The following MIPOL1 variants were observed in gnomAD, a reference collection of about 807,000 sequenced individuals.
The protein encoded by MIPOL1 is mirror-image polydactyly gene 1 protein.
MIPOL1 carries 57 observed loss-of-function variants against 60.9 expected under a neutral mutation model. That is an observed-to-expected ratio of 0.94 (90% CI 0.76 to 1.17). The LOEUF is 1.17. Among genes scored for constraint, MIPOL1 ranks in the 50% most tolerant of loss-of-function variants. MIPOL1 has a pLI of 0.00. For synonymous variants in MIPOL1, 179 were observed against 168.8 expected (o/e 1.06, Z -0.47); for missense variants, 551 against 511.6 (o/e 1.08, Z -0.74).
intron 3 of MIPOL1, among the ~76,000 whole-genome samples, chr14:37,251,759 A>G (rs904096577): frequency 1.3e-5 from 2 of 151,950 alleles, no homozygotes; most frequent in African/African-American, 4.8e-5. Flanking sequence ...TCTTAAATTA[A>G]TGTTTATTTT....
chr14:37,260,240 T>TAAAA (rs754422554), intron 3 of MIPOL1, among the ~76,000 whole-genome samples: 1 of 121,252 alleles, frequency 8.2e-6, no homozygotes, highest in Non-Finnish European at 1.8e-5. Context: ...AGATCTCATC[T>TAAAA]AAAAAAAAAA....
At chr14:37,452,339 T>A (rs992991337) in intron 11 of MIPOL1, among the ~76,000 whole-genome samples, 5 of 152,212 alleles carry the variant, frequency 3.3e-5, no homozygotes, top group African/African-American at 1.2e-4. Context: ...TCTGTGAGTA[T>A]GAACAACAAA....
intron 11 of MIPOL1, among the ~76,000 whole-genome samples, chr14:37,432,807 T>C (rs1037111351): frequency 2.0e-5 from 3 of 152,168 alleles, no homozygotes; most frequent in Non-Finnish European, 4.4e-5. Flanking sequence ...CTGCATATCA[T>C]TGGAAAAAAT....
chr14:37,518,826 T>G (rs916192309), intron 12 of MIPOL1, among the ~76,000 whole-genome samples: 1 of 152,020 alleles, frequency 6.6e-6, no homozygotes, highest in Non-Finnish European at 1.5e-5. Context: ...AACAAGCAAA[T>G]GCTCACAGAT....
At chr14:37,239,836 G>T (rs1379960309) in intron 1 of MIPOL1, among the ~76,000 whole-genome samples, 1 of 152,118 alleles carries the variant, frequency 6.6e-6, no homozygotes, top group South Asian at 2.1e-4. Context: ...ACAAGAAATT[G>T]GAACTATAAG....
At chr14:37,325,250 A>G (rs1241663399) in intron 9 of MIPOL1, among the ~76,000 whole-genome samples, 1 of 152,116 alleles carries the variant, frequency 6.6e-6, no homozygotes, top group Non-Finnish European at 1.5e-5. Context: ...TAATCTTTAA[A>G]CAGCAAAATT....
chr14:37,345,941 T>A (rs1401824828), intron 9 of MIPOL1, among the ~76,000 whole-genome samples: 1 of 152,212 alleles, frequency 6.6e-6, no homozygotes, highest in Non-Finnish European at 1.5e-5. Flanking sequence ...ACAATTGGCA[T>A]TTACTTAAAA....
chr14:37,482,010 A>G (rs1315907795), intron 11 of MIPOL1, among the ~76,000 whole-genome samples: 1 of 152,034 alleles, frequency 6.6e-6, no homozygotes, highest in Non-Finnish European at 1.5e-5. Flanking sequence ...AGGGGAAACT[A>G]TATTATGTTG....
intron 9 of MIPOL1, among the ~76,000 whole-genome samples, chr14:37,353,714 C>G (rs999065212): frequency 1.3e-5 from 2 of 152,082 alleles, no homozygotes; most frequent in Non-Finnish European, 2.9e-5. Flanking sequence ...GTAGTATTCT[C>G]TGATGGTAGT....
chr14:37,262,554 C>G (rs527984514), intron 3 of MIPOL1, among the ~76,000 whole-genome samples: 1 of 152,166 alleles, frequency 6.6e-6, no homozygotes, highest in South Asian at 2.1e-4. Flanking sequence ...TTCTCACCCC[C>G]CAAAAGACAG....
At chr14:37,402,808 A>G (rs1157414397) in intron 10 of MIPOL1, among the ~76,000 whole-genome samples, 3 of 152,348 alleles carry the variant, frequency 2.0e-5, no homozygotes, top group Non-Finnish European at 4.4e-5. Context: ...TTAAACAGCA[A>G]TGAGCTTAGG....
intron 11 of MIPOL1, among the ~76,000 whole-genome samples, chr14:37,487,543 A>T (rs1000078473): frequency 2.0e-5 from 3 of 152,056 alleles, no homozygotes. Flanking sequence ...CAGGGATTTG[A>T]CTTCTTCCTG....
chr14:37,312,616 G>T (rs2087447027), intron 9 of MIPOL1, among the ~76,000 whole-genome samples: 1 of 152,006 alleles, frequency 6.6e-6, no homozygotes, highest in Admixed American at 6.6e-5. Flanking sequence ...AGTTAAAAAT[G>T]TTATCTTTTT....
At chr14:37,509,299 T>TTA (rs1031527300) in intron 12 of MIPOL1, among the ~76,000 whole-genome samples, 3 of 151,882 alleles carry the variant, frequency 2.0e-5, no homozygotes, top group Non-Finnish European at 2.9e-5. Context: ...TCTGAGAGTT[T>TTA]TATATATATA....
At chr14:37,399,315 G>T (rs2093437337) in intron 10 of MIPOL1, among the ~76,000 whole-genome samples, 1 of 152,114 alleles carries the variant, frequency 6.6e-6, no homozygotes, top group African/African-American at 2.4e-5. Flanking sequence ...AAAAATACTT[G>T]CCCTATGAGA....
chr14:37,404,823 T>G (rs1330754497), intron 10 of MIPOL1, among the ~76,000 whole-genome samples: 1 of 152,186 alleles, frequency 6.6e-6, no homozygotes, highest in African/African-American at 2.4e-5. Flanking sequence ...CTTACCCAGC[T>G]GTTGACTAAT....
intron 7 of MIPOL1, among the ~76,000 whole-genome samples, chr14:37,303,999 A>G (rs1212627712): frequency 6.6e-6 from 1 of 151,832 alleles, no homozygotes; most frequent in East Asian, 1.9e-4. Flanking sequence ...AGATGGTTCT[A>G]TGAGGTTCTT....
At chr14:37,473,188 T>G (rs2094715311) in intron 11 of MIPOL1, among the ~76,000 whole-genome samples, 1 of 152,074 alleles carries the variant, frequency 6.6e-6, no homozygotes, top group Non-Finnish European at 1.5e-5. Context: ...TCTTTCTCGA[T>G]TAAAGATAGT....
intron 3 of MIPOL1, among the ~76,000 whole-genome samples, chr14:37,260,504 A>G (rs965877265): frequency 2.6e-5 from 4 of 152,172 alleles, no homozygotes; most frequent in African/African-American, 9.6e-5. Context: ...TGTTGAACAC[A>G]TTATAGAAGA....
Sources: allele counts gnomAD v4.1 joint callset (sites outside exome capture counted in the v4.1 genomes callset), GRCh38; gene constraint gnomAD v4.1.1; transcripts MANE v1.5; gene names NCBI Gene and HGNC (gene_info 2026-07-23, HGNC 2026-07-21).